Variants in CCBE1 observed in about 807,000 individuals in gnomAD.
CCBE1 encodes collagen and calcium-binding EGF domain-containing protein 1.
Under a neutral mutation model 50.0 loss-of-function variants are expected in CCBE1, and 37 were observed. That is an observed-to-expected ratio of 0.74 (90% CI 0.57 to 0.97). The LOEUF is 0.97. Ranked by LOEUF, CCBE1 falls within the 50% of genes least tolerant of loss-of-function variation. The pLI is 0.00. For synonymous variants in CCBE1, 234 were observed against 203.7 expected, an observed-to-expected ratio of 1.15 and a Z score of -1.27; for missense variants, 538 against 523.8, an observed-to-expected ratio of 1.03 and a Z score of -0.26.
chr18:59,514,507 C>A (rs1272839238), intron 2 of CCBE1, among the ~76,000 whole-genome samples: 1 of 152,114 alleles, frequency 6.6e-6, no homozygotes. Context: ...ACATTTTCGG[C>A]TGGCCCAGAC....
intron 5 of CCBE1, 60 bp downstream of exon 5, chr18:59,466,679 T>TTA (rs745835682): frequency 5.0e-6 from 6 of 1,209,478 alleles, no homozygotes; most frequent in African/African-American, 1.5e-5. Context: ...CCCAAACTGG[T>TTA]TATATATATA....
intron 2 of CCBE1, among the ~76,000 whole-genome samples, chr18:59,540,294 CT>C (rs1568195109): frequency 1.3e-5 from 2 of 152,074 alleles, no homozygotes; most frequent in African/African-American, 4.8e-5. Context: ...AAGCCAACAG[CT>C]TAATTTTCAT....
At chr18:59,610,857 G>A (rs1055468919) in intron 2 of CCBE1, among the ~76,000 whole-genome samples, 23 of 152,320 alleles carry the variant, frequency 1.5e-4, no homozygotes, top group African/African-American at 2.4e-4. Context: ...CTCCACCAGC[G>A]CCCCTGGGGA....
intron 2 of CCBE1, among the ~76,000 whole-genome samples, chr18:59,536,245 G>A (rs977102135): frequency 6.6e-6 from 1 of 152,136 alleles, no homozygotes; most frequent in Admixed American, 6.6e-5. Context: ...GTGTGCAAGA[G>A]TCTGACGGTG....
chr18:59,452,954 T>C (rs201688275), intron 6 of CCBE1, among the ~76,000 whole-genome samples: 16 of 149,098 alleles, frequency 1.1e-4, no homozygotes, highest in Middle Eastern at 3.4e-3. Flanking sequence ...AGTATTAAGA[T>C]GACCTCGTGG....
intron 2 of CCBE1, among the ~76,000 whole-genome samples, chr18:59,564,880 G>T (rs1332749431): frequency 6.6e-6 from 1 of 152,222 alleles, no homozygotes; most frequent in Non-Finnish European, 1.5e-5. Context: ...AGATCTAGGA[G>T]GGATTTAAAG....
rs143344371 is a variant in CCBE1 at position 59,601,177 on chromosome 18, G to A, written c.212+95452C>T. ...CTCTTGAGTAGCTGGGACTAGAGGC[G>A]CACAACACCATGCCCAGCTTATTTT... On this transcript the variant is annotated intron_variant, in intron 2 of 10. Transcript: ENST00000439986. Among the ~76,000 whole-genome samples, 1,360 of 151,640 alleles carry A rather than the reference G, an allele frequency of 9.0e-3. 16 individuals are homozygous for A. The highest frequency in any genetic ancestry group is 0.031 in the African/African-American group (1,277 of 41,350).
At chr18:59,684,343 G>T (rs759017204) in intron 2 of CCBE1, among the ~76,000 whole-genome samples, 6 of 152,184 alleles carry the variant, frequency 3.9e-5, no homozygotes, top group Non-Finnish European at 8.8e-5. Flanking sequence ...CAGCTACTCA[G>T]AAGGCTGAGG....
At chr18:59,488,321 A>G (rs1912921460) in intron 2 of CCBE1, among the ~76,000 whole-genome samples, 1 of 152,234 alleles carries the variant, frequency 6.6e-6, no homozygotes, top group South Asian at 2.1e-4. Context: ...TTTTACACCT[A>G]AAGTGGTTAA....
At chr18:59,438,957 CT>C (rs1389473093) in intron 9 of CCBE1, among the ~76,000 whole-genome samples, 1 of 152,020 alleles carries the variant, frequency 6.6e-6, no homozygotes, top group Non-Finnish European at 1.5e-5. Context: ...TAAGGCCAGC[CT>C]GGGTAACATG....
Position 59,454,965 on chromosome 18 carries a change from T to C in CCBE1, c.554-14A>G, listed in dbSNP as rs1343653461. 3.7e-6 allele frequency: 6 copies of C among 1,602,482 alleles called. No homozygotes were observed. Among genetic ancestry groups the C allele is most frequent in the African/African-American group, 1.3e-5 (1 of 74,680 alleles). On this transcript the variant is annotated splice_polypyrimidine_tract_variant and intron_variant, in intron 5 of 10. Transcript: ENST00000439986. ...ACTTCTCATGGCCTGAGAAAGGAGA[T>C]AGGCTCAGTCCTGTCTGGGAGGCTG...
chr18:59,696,607 C>T (rs1413609657), intron 2 of CCBE1, 22 bp downstream of exon 2: 1 of 1,613,186 alleles, frequency 6.2e-7, no homozygotes, highest in East Asian at 2.2e-5. Context: ...TGGCGAACAG[C>T]CCGCAGAGCC....
chr18:59,545,291 A>T (rs1598998088), intron 2 of CCBE1, among the ~76,000 whole-genome samples: 1 of 150,986 alleles, frequency 6.6e-6, no homozygotes, highest in East Asian at 2.0e-4. Flanking sequence ...GTAAATACCT[A>T]TTATAAAAGA....
intron 3 of CCBE1, among the ~76,000 whole-genome samples, chr18:59,473,169 G>A (rs936688709): frequency 5.3e-5 from 8 of 152,114 alleles, no homozygotes; most frequent in Non-Finnish European, 4.4e-5. Context: ...TGTCATAAAA[G>A]GGGTAAAAGT....
At chr18:59,649,128 C>T (rs973045160) in intron 2 of CCBE1, among the ~76,000 whole-genome samples, 1 of 152,196 alleles carries the variant, frequency 6.6e-6, no homozygotes, top group East Asian at 1.9e-4. Flanking sequence ...GAAAGCATCC[C>T]ATGAAACCTA....
upstream of CCBE1, chr18:59,697,666 T>C: frequency 6.3e-6 from 2 of 318,474 alleles, no homozygotes; most frequent in African/African-American, 2.2e-5. Flanking sequence ...TGGACTCGGC[T>C]TGGGGCTGCG....
intron 2 of CCBE1, among the ~76,000 whole-genome samples, chr18:59,670,431 T>A (rs1044598867): frequency 1.3e-5 from 2 of 152,156 alleles, no homozygotes; most frequent in African/African-American, 4.8e-5. Context: ...CAACAGGATG[T>A]TCCTAAGGGA....
At chr18:59,558,135 G>A (rs983596279) in intron 2 of CCBE1, among the ~76,000 whole-genome samples, 11 of 152,132 alleles carry the variant, frequency 7.2e-5, no homozygotes, top group Admixed American at 2.0e-4. Context: ...TTCGCAATTC[G>A]CTAGCTGAAG....
chr18:59,594,866 C>A (rs1454343739), intron 2 of CCBE1, among the ~76,000 whole-genome samples: 1 of 152,082 alleles, frequency 6.6e-6, no homozygotes, highest in African/African-American at 2.4e-5. Context: ...ATAATCCCAG[C>A]ACTTTGGGAG....
Sources: gnomAD v4.1 joint callset for allele counts (sites outside exome capture counted in the v4.1 genomes callset) on GRCh38, gnomAD v4.1.1 for gene constraint, MANE v1.5 for transcripts, NCBI Gene and HGNC (gene_info 2026-07-23, HGNC 2026-07-21) for gene names.